WDCP: variants seen among roughly 807,000 people sequenced by gnomAD.
The protein encoded by WDCP is WD repeat and coiled coil containing.
A neutral mutation model predicts 41.6 loss-of-function variants in WDCP; 19 were observed. That is an observed-to-expected ratio of 0.46 (90% confidence interval 0.32 to 0.67). WDCP has a LOEUF of 0.67. WDCP is among the 30% of genes least tolerant of loss of function. The probability of loss-of-function intolerance (pLI) is 0.04; values close to 1 mark genes in which losing one functional copy is unlikely to be tolerated. For missense variants in WDCP, 802 were observed against 850.7 expected, an observed-to-expected ratio of 0.94 and a Z score of 0.71; for synonymous variants, 302 against 320.8, an observed-to-expected ratio of 0.94 and a Z score of 0.63.
rs1169874091 is a variant in WDCP, at chr2:24,038,268, A to C, written c.1227T>G (p.Thr409=). 4.3e-6 allele frequency: 7 copies of C among 1,614,066 alleles called. No homozygotes were observed. The highest frequency in any genetic ancestry group is 5.1e-6 in the Non-Finnish European group (6 of 1,180,016). Residue 409 remains threonine (T), a synonymous_variant, in exon 2 of 4, where the codon ACT becomes ACG. Coordinates refer to ENST00000295148, the MANE Select transcript of WDCP (RefSeq NM_025203.3). ...TTGAAGAAGGAAGAAATGTTGTATCAGTGAGTTTTTGTTTTCCTACCAAAA... is the reference window on the plus strand; with the variant it reads ...TTGAAGAAGGAAGAAATGTTGTATCCGTGAGTTTTTGTTTTCCTACCAAAA... ...LLILVGKQKL[T]DTTFLPSSKS... is the part of the protein sequence containing the mutation.
chr2:24,046,945 G>A (rs1254481213), intron 1 of WDCP, among the ~76,000 whole-genome samples: 1 of 152,080 alleles, frequency 6.6e-6, no homozygotes, highest in East Asian at 1.9e-4. Flanking sequence ...CATACACTCA[G>A]TGAAGTGACA....
At position 24,038,304 on chromosome 2, in the gene WDCP, T is replaced by C. The variant is rs772132821; in HGVS notation, c.1191A>G (p.Gln397=). ...GTTTTCCTACCAAAATTAGTAATAG[T>C]TGGTCTGTCAAGAAACATATCCCTT... ...RPKGICFLTD[Q]LLLILVGKQK... Residue 397 remains glutamine (Q), a synonymous_variant, in exon 2 of 4, where the codon CAA becomes CAG. Transcript: ENST00000295148. The C allele has an allele frequency of 1.9e-6, 3 of 1,614,224 alleles. No individual in the cohort carries two copies. The highest frequency in any genetic ancestry group is 2.5e-6 in the Non-Finnish European group (3 of 1,180,044).
intron 2 of WDCP, among the ~76,000 whole-genome samples, chr2:24,035,578 T>C (rs532061700): frequency 6.6e-6 from 1 of 151,768 alleles, no homozygotes; most frequent in African/African-American, 2.4e-5. Context: ...AGGAAAGAAA[T>C]CCAAACCAGT....
rs765288990 is a variant in WDCP at position 24,039,235 on chromosome 2, A to C, written c.260T>G (p.Val87Gly). ...LAVQHEKHVT[V>G]WQLCPSPMES... ...CATAGGGCTGGGACACAGCTGCCAC[A>C]CAGTGACATGCTTCTCATGCTGGAC... is the stretch of plus-strand genomic sequence containing the variant. Residue 87 changes from valine to glycine, a missense_variant, in exon 2 of 4, where the codon GTG (valine) becomes GGG (glycine). By Grantham distance (109) the Val-to-Gly change is moderately radical. This residue lies in a region of WDCP where 214 missense variants were observed against 252.9 expected (regional missense o/e 0.85). Transcript: ENST00000295148. 1 of 1,614,250 alleles carries C rather than the reference A, an allele frequency of 6.2e-7. No individual in the cohort carries two copies. Among genetic ancestry groups the C allele is most frequent in the Non-Finnish European group, 8.5e-7 (1 of 1,180,044 alleles).
chr2:24,043,262 G>A (rs1441358418), intron 1 of WDCP, among the ~76,000 whole-genome samples: 1 of 152,178 alleles, frequency 6.6e-6, no homozygotes, highest in Non-Finnish European at 1.5e-5. Context: ...CTTGAACCTG[G>A]GAGGCAGATG....
chr2:24,045,619 AAG>A (rs1258646775), intron 1 of WDCP, among the ~76,000 whole-genome samples: 4 of 87,846 alleles, frequency 4.6e-5, no homozygotes, highest in Middle Eastern at 5.7e-3. Flanking sequence ...AAAAAAAAAA[AAG>A]AGAGAGAGAG....
At chr2:24,033,097 A>C (rs1201541834) in intron 2 of WDCP, 151 bp from the exon 3 acceptor site, 2 of 705,012 alleles carry the variant, frequency 2.8e-6, no homozygotes, top group African/African-American at 3.5e-5. Context: ...TCTTTGCTGC[A>C]TTATTTAACA....
At chr2:24,035,837 A>G (rs1245488751) in intron 2 of WDCP, among the ~76,000 whole-genome samples, 8 of 151,806 alleles carry the variant, frequency 5.3e-5, no homozygotes, top group Admixed American at 5.3e-4. Flanking sequence ...CTGGGAGGCC[A>G]AGGCGGGCAG....
rs764044769 is a variant in WDCP, at chr2:24,038,013, T to G, written c.1482A>C (p.Thr494=). The G allele has an allele frequency of 1.2e-6, 2 of 1,614,192 alleles. No homozygotes were observed. ...GAGGACTCTGGATTTCTTTAATAAG[T>G]GTTCTTCCAGGCCTTCCATTCTGAC... ...TSSQNGRPGR[T]LIKEIQSPLS... Residue 494 remains threonine, a synonymous_variant, in exon 2 of 4, where the codon ACA becomes ACC. Transcript: ENST00000295148.
intron 1 of WDCP, among the ~76,000 whole-genome samples, chr2:24,045,350 C>T (rs1663577914): frequency 6.6e-6 from 1 of 152,048 alleles, no homozygotes; most frequent in Non-Finnish European, 1.5e-5. Flanking sequence ...GCCTGTAATC[C>T]CAGCACTTTG....
At chr2:24,042,635 G>C (rs1346686485) in intron 1 of WDCP, among the ~76,000 whole-genome samples, 1 of 151,772 alleles carries the variant, frequency 6.6e-6, no homozygotes, top group Non-Finnish European at 1.5e-5. Context: ...CTTGAACCCG[G>C]GAGGTGGAGG....
At chr2:24,037,461 A>G (rs929151079) in intron 2 of WDCP, among the ~76,000 whole-genome samples, 2 of 152,214 alleles carry the variant, frequency 1.3e-5, no homozygotes, top group African/African-American at 4.8e-5. Context: ...CATGCACCTG[A>G]TAAAATCATG....
chr2:24,039,567 T>G, intron 1 of WDCP, 55 bp from the exon 2 acceptor site: 1 of 1,516,484 alleles, frequency 6.6e-7, no homozygotes, highest in Admixed American at 1.9e-5. Flanking sequence ...AAATCTAGAA[T>G]GTAGGACATT....
At position 24,039,803 on chromosome 2, in the gene WDCP, CT is replaced by C. The variant is rs879609209; in HGVS notation, c.-18-292del. ...ATATTGTAGAGTTATTATTTTTCTT[CT>C]TTTTTTTTTTGAGACGGAGTCTCAC... is the stretch of plus-strand genomic sequence containing the variant. On this transcript the variant is annotated intron_variant, in intron 1 of 3. Coordinates refer to ENST00000295148, the MANE Select transcript of WDCP (RefSeq NM_025203.3). Among the ~76,000 whole-genome samples the C allele has an allele frequency of 2.2e-3, 322 of 146,874 alleles. 1 individual carries two copies. Among genetic ancestry groups the C allele is most frequent in the Middle Eastern group, 7.1e-3 (2 of 282 alleles).
At chr2:24,034,580 T>TTC (rs1663186431) in intron 2 of WDCP, among the ~76,000 whole-genome samples, 2 of 150,624 alleles carry the variant, frequency 1.3e-5, no homozygotes, top group African/African-American at 4.9e-5. Flanking sequence ...AAAACTTTTT[T>TTC]TTTTTTTTTT....
intron 1 of WDCP, among the ~76,000 whole-genome samples, chr2:24,044,194 G>A (rs1663540402): frequency 6.6e-6 from 1 of 152,084 alleles, no homozygotes. Flanking sequence ...ATGTCAATGA[G>A]GGTGTGTGTG....
At chr2:24,036,066 A>AAAT (rs1180323090) in intron 2 of WDCP, among the ~76,000 whole-genome samples, 2 of 64,990 alleles carry the variant, frequency 3.1e-5, no homozygotes, top group East Asian at 2.9e-4. Context: ...TCCGTCTCAA[A>AAAT]AATAAATAAA....
At position 24,032,708 on chromosome 2, in the gene WDCP, G is replaced by A. The variant is rs1431178725; in HGVS notation, c.1936+121C>T. 3 of 696,592 alleles carry A rather than the reference G, an allele frequency of 4.3e-6. No individual in the cohort carries two copies. In the African/African-American group the frequency reaches 5.3e-5, roughly 12 times the overall value. The allele number at this position is 696,592 out of a possible 1,614,324, so 43.2% of individuals were successfully genotyped here. ...TAATAATAATAATAATAGATTACTTGTTAACTATCCAGTGAATTACTGAAT... is the reference window on the plus strand; with the variant it reads ...TAATAATAATAATAATAGATTACTTATTAACTATCCAGTGAATTACTGAAT... On this transcript the variant is annotated intron_variant, in intron 3 of 3. Coordinates refer to ENST00000295148, the MANE Select transcript of WDCP (RefSeq NM_025203.3).
In WDCP at chr2:24,030,876, A is replaced by C. The variant is rs1291460385; in HGVS notation, c.*57T>G. 6 of 1,343,496 alleles carry C rather than the reference A, an allele frequency of 4.5e-6. No individual in the cohort carries two copies. Among genetic ancestry groups the C allele is most frequent in the Non-Finnish European group, 6.3e-6 (6 of 946,452 alleles). 83.2% of individuals were successfully genotyped at this position (1,343,496 alleles called of 1,614,324 possible). A position where few individuals can be genotyped will look rare whatever the true frequency, so the allele number is the denominator to read the frequency against. ...CATTGGCGAGTGTCCAGTGTCAAGC[A>C]GGCCTTGTTTGTAATGGTCTCATCT... is the stretch of plus-strand genomic sequence containing the variant. On this transcript the variant is annotated 3_prime_UTR_variant, in exon 4 of 4. Coordinates refer to ENST00000295148, the MANE Select transcript of WDCP (RefSeq NM_025203.3).
Sources: allele counts gnomAD v4.1 joint callset (sites outside exome capture counted in the v4.1 genomes callset), GRCh38; gene constraint gnomAD v4.1.1; regional missense constraint gnomAD v4.1.1; transcripts MANE v1.5; gene names NCBI Gene and HGNC (gene_info 2026-07-23, HGNC 2026-07-21).